Variants in CDC42SE2 observed in about 807,000 individuals in gnomAD.
CDC42SE2 encodes the protein CDC42 small effector 2.
In CDC42SE2, 3 loss-of-function variants were observed where a neutral mutation model predicts 11.5. The observed-to-expected ratio is 0.26, with a 90% CI of 0.12 to 0.67. The LOEUF is 0.67. Among genes scored for constraint, CDC42SE2 ranks in the 30% least tolerant of loss-of-function variants. The pLI is 0.80. For synonymous variants in CDC42SE2, 33 were observed against 34.8 expected (o/e 0.95, Z 0.18); for missense variants, 82 against 106.8 (o/e 0.77, Z 1.02).
chr5:131,324,089 G>A (rs1255634470), intron 2 of CDC42SE2, among the ~76,000 whole-genome samples: 1 of 152,120 alleles, frequency 6.6e-6, no homozygotes, highest in Non-Finnish European at 1.5e-5. Flanking sequence ...CTGACTTGAA[G>A]TTTCTGAAAT....
At chr5:131,257,798 C>T (rs1756690350) in intron 2 of CDC42SE2, among the ~76,000 whole-genome samples, 1 of 152,036 alleles carries the variant, frequency 6.6e-6, no homozygotes, top group Admixed American at 6.6e-5. Flanking sequence ...AATTTAAGGG[C>T]ACCAAATCTC....
intron 2 of CDC42SE2, among the ~76,000 whole-genome samples, chr5:131,351,421 A>T (rs1759007574): frequency 6.6e-6 from 1 of 151,766 alleles, no homozygotes; most frequent in Non-Finnish European, 1.5e-5. Context: ...CGCCCAGCAA[A>T]TTTTTTGTAT....
At position 131,326,106 on chromosome 5, in the gene CDC42SE2, A is replaced by AT. The variant is rs552218201; in HGVS notation, c.-286+9978dup. Reference sequence around the variant, plus strand: ...GTAATATATTTAGTTTACAAACGAGATTTTTTTTTTTTTTTTGAGACGGAG... The same window carrying AT: ...GTAATATATTTAGTTTACAAACGAGATTTTTTTTTTTTTTTTTGAGACGGAG... On this transcript the variant is annotated intron_variant, in intron 2 of 4. Coordinates refer to ENST00000505065, the MANE Select transcript of CDC42SE2 (RefSeq NM_001375635.1). Among the ~76,000 whole-genome samples, 527 of 143,448 alleles carry AT rather than the reference A, an allele frequency of 3.7e-3. 2 individuals are homozygous for AT. The highest frequency in any genetic ancestry group is 6.5e-3 in the African/African-American group (257 of 39,302). 94.1% of individuals were successfully genotyped at this position (143,448 alleles called of 152,430 possible). A position where few individuals can be genotyped will look rare whatever the true frequency, so the allele number is the denominator to read the frequency against.
chr5:131,340,195 T>C lies in CDC42SE2; in HGVS notation c.-285-19014T>C, dbSNP rs142036170. Among the ~76,000 whole-genome samples the C allele has an allele frequency of 3.3e-3, 502 of 152,330 alleles. 2 individuals carry two copies. Among genetic ancestry groups the C allele is most frequent in the Non-Finnish European group, 5.0e-3 (339 of 68,016 alleles). On this transcript the variant is annotated intron_variant, in intron 2 of 4. Coordinates refer to ENST00000505065, the MANE Select transcript of CDC42SE2 (RefSeq NM_001375635.1). ...TATTCGTGGTTTTGCTTTCTTTGGT[T>C]TCAGTTTTTGGCCAACTGTGGTCCA...
chr5:131,366,734 A>G (rs1034849428), intron 3 of CDC42SE2, among the ~76,000 whole-genome samples: 1 of 152,214 alleles, frequency 6.6e-6, no homozygotes, highest in Non-Finnish European at 1.5e-5. Context: ...TACAAAAATT[A>G]TAAAACAGGC....
intron 1 of CDC42SE2, among the ~76,000 whole-genome samples, chr5:131,253,645 A>G (rs953076181): frequency 6.6e-6 from 1 of 152,118 alleles, no homozygotes; most frequent in Non-Finnish European, 1.5e-5. Context: ...CATGCCTGTA[A>G]TCCCAGCTAC....
chr5:131,372,064 G>A (rs1325604656), intron 3 of CDC42SE2, among the ~76,000 whole-genome samples: 1 of 152,130 alleles, frequency 6.6e-6, no homozygotes, highest in East Asian at 1.9e-4. Context: ...CTGGGTAACA[G>A]TTGGGTGATG....
intron 1 of CDC42SE2, among the ~76,000 whole-genome samples, chr5:131,274,687 C>G (rs1418402746): frequency 6.6e-6 from 1 of 152,188 alleles, no homozygotes; most frequent in Non-Finnish European, 1.5e-5. Context: ...CCTTCATCGT[C>G]TGTACGTCCT....
At chr5:131,311,461 C>G (rs1422634526) in intron 1 of CDC42SE2, among the ~76,000 whole-genome samples, 2 of 151,482 alleles carry the variant, frequency 1.3e-5, no homozygotes, top group African/African-American at 2.4e-5. Context: ...GTGGCGTTCT[C>G]TGTATTTCCT....
the CDC42SE2 span, among the ~76,000 whole-genome samples, chr5:131,226,454 GATAC>G: frequency 3.3e-5 from 5 of 152,298 alleles, no homozygotes; most frequent in East Asian, 7.7e-4. Flanking sequence ...GAATAATCCT[GATAC>G]ATAGCCAAAA....
intron 2 of CDC42SE2, among the ~76,000 whole-genome samples, chr5:131,332,465 T>A (rs1223594031): frequency 2.6e-5 from 4 of 152,174 alleles, no homozygotes; most frequent in African/African-American, 9.7e-5. Flanking sequence ...TGATTTATAA[T>A]CCTTTGGGTA....
At chr5:131,220,427 G>A in the CDC42SE2 span, among the ~76,000 whole-genome samples, 6 of 152,152 alleles carry the variant, frequency 3.9e-5, no homozygotes, top group African/African-American at 9.6e-5. Context: ...GGATGGTCTC[G>A]ATCTCCTGAC....
At chr5:131,362,532 AAT>A (rs1314171266) in intron 3 of CDC42SE2, among the ~76,000 whole-genome samples, 5 of 152,206 alleles carry the variant, frequency 3.3e-5, no homozygotes, top group African/African-American at 1.2e-4. Flanking sequence ...TATTTACTGA[AAT>A]AAAGTGCTGC....
At chr5:131,359,633 G>A in intron 3 of CDC42SE2, 86 bp downstream of exon 3, 1 of 945,994 alleles carries the variant, frequency 1.1e-6, no homozygotes, top group Non-Finnish European at 1.7e-6. Flanking sequence ...GATCCTAGCA[G>A]TAATTGCAAA....
At chr5:131,312,839 C>G (rs534588272) in intron 1 of CDC42SE2, among the ~76,000 whole-genome samples, 34 of 152,338 alleles carry the variant, frequency 2.2e-4, no homozygotes, top group East Asian at 2.1e-3. Context: ...CGCCCACGAT[C>G]TGGCTCTCCC....
chr5:131,311,663 A>C, intron 1 of CDC42SE2, among the ~76,000 whole-genome samples: 1 of 151,868 alleles, frequency 6.6e-6, no homozygotes, highest in Non-Finnish European at 1.5e-5. Context: ...TTTTTCTCTG[A>C]ACTTCCCTTC....
At chr5:131,312,621 G>A (rs923789558) in intron 1 of CDC42SE2, among the ~76,000 whole-genome samples, 19 of 152,236 alleles carry the variant, frequency 1.2e-4, no homozygotes, top group Admixed American at 3.3e-4. Context: ...CTCCGAGCCA[G>A]GCGCGGGATA....
At chr5:131,389,940 A>T (rs1750597735) in intron 4 of CDC42SE2, among the ~76,000 whole-genome samples, 1 of 152,212 alleles carries the variant, frequency 6.6e-6, no homozygotes, top group African/African-American at 2.4e-5. Flanking sequence ...TCTAATTTAT[A>T]TGAACTAAGA....
intron 3 of CDC42SE2, 100 bp downstream of exon 3, chr5:131,359,647 G>T: frequency 1.2e-6 from 1 of 846,758 alleles, no homozygotes; most frequent in Non-Finnish European, 2.1e-6. Flanking sequence ...TTGCAAAGCA[G>T]TTGTAGAGAA....
Sources: gnomAD v4.1 joint callset for allele counts (sites outside exome capture counted in the v4.1 genomes callset) on GRCh38, gnomAD v4.1.1 for gene constraint, MANE v1.5 for transcripts, NCBI Gene and HGNC (gene_info 2026-07-23, HGNC 2026-07-21) for gene names.